PIP5K1B: variants seen among roughly 807,000 people sequenced by gnomAD.
PIP5K1B encodes phosphatidylinositol 4-phosphate 5-kinase type-1 beta.
In PIP5K1B, 42 loss-of-function variants were observed where a neutral mutation model predicts 67.0. The observed-to-expected ratio is 0.63, with a 90% CI of 0.49 to 0.81. The LOEUF (loss-of-function observed/expected upper bound fraction) is 0.81. Ranked by LOEUF, PIP5K1B falls within the 30% of genes least tolerant of loss-of-function variation. The probability of loss-of-function intolerance (pLI) is 0.00; values close to 1 mark genes in which losing one functional copy is unlikely to be tolerated. For missense variants in PIP5K1B, 459 were observed against 646.3 expected, an observed-to-expected ratio of 0.71 and a Z score of 3.14; for synonymous variants, 214 against 231.4, an observed-to-expected ratio of 0.92 and a Z score of 0.68.
chr9:68,988,830 C>T (rs575271160), intron 14 of PIP5K1B, among the ~76,000 whole-genome samples: 52 of 152,126 alleles, frequency 3.4e-4, no homozygotes, highest in African/African-American at 1.2e-3. Flanking sequence ...CGCATGGTGG[C>T]TCATGCCTGT....
At chr9:68,782,448 A>T (rs1342693736) in intron 2 of PIP5K1B, 1 of 166,994 alleles carries the variant, frequency 6.0e-6, no homozygotes, top group African/African-American at 2.4e-5. Context: ...TATACCTCAC[A>T]TATCTTCCTT....
chr9:68,823,071 T>C (rs966911416), intron 4 of PIP5K1B, among the ~76,000 whole-genome samples: 7 of 152,208 alleles, frequency 4.6e-5, no homozygotes, highest in African/African-American at 9.7e-5. Context: ...TGTATCACTC[T>C]GACACTTTAA....
At chr9:68,711,290 A>G (rs922904970) in intron 1 of PIP5K1B, among the ~76,000 whole-genome samples, 10 of 152,182 alleles carry the variant, frequency 6.6e-5, no homozygotes, top group Non-Finnish European at 1.5e-4. Context: ...AACCATGCCC[A>G]TCATTGTGCT....
chr9:68,959,011 ATAAG>A (rs1828560399), intron 14 of PIP5K1B, among the ~76,000 whole-genome samples: 1 of 152,332 alleles, frequency 6.6e-6, no homozygotes, highest in South Asian at 2.1e-4. Context: ...GAAAGAAAGA[ATAAG>A]AAAGAAAGAA....
chr9:68,786,501 TGAA>T (rs774637972), intron 2 of PIP5K1B, among the ~76,000 whole-genome samples: 4 of 146,874 alleles, frequency 2.7e-5, no homozygotes, highest in Non-Finnish European at 4.5e-5. Context: ...ATTATTAACT[TGAA>T]GACCATTTCC....
intron 4 of PIP5K1B, among the ~76,000 whole-genome samples, chr9:68,827,093 T>G (rs1349998039): frequency 6.6e-6 from 1 of 152,180 alleles, no homozygotes; most frequent in African/African-American, 2.4e-5. Flanking sequence ...CTGATTTACC[T>G]ACGTGTTTGT....
chr9:68,756,567 A>C (rs1212863957), intron 2 of PIP5K1B, among the ~76,000 whole-genome samples: 1 of 152,192 alleles, frequency 6.6e-6, no homozygotes, highest in Non-Finnish European at 1.5e-5. Flanking sequence ...GAATTAGAAA[A>C]GAATTTTCTT....
chr9:68,904,615 G>A (rs975286125), intron 8 of PIP5K1B, among the ~76,000 whole-genome samples: 5 of 152,164 alleles, frequency 3.3e-5, no homozygotes, highest in African/African-American at 7.2e-5. Flanking sequence ...GCAATGCAGC[G>A]GTTACAGGGG....
intron 8 of PIP5K1B, among the ~76,000 whole-genome samples, chr9:68,906,518 G>A (rs921104373): frequency 6.6e-6 from 1 of 152,130 alleles, no homozygotes; most frequent in Non-Finnish European, 1.5e-5. Context: ...ATACATCTGC[G>A]AACTTTCTAC....
intron 2 of PIP5K1B, among the ~76,000 whole-genome samples, chr9:68,804,136 G>A (rs17391582): frequency 0.095 from 14,495 of 152,150 alleles, 853 homozygotes; most frequent in Non-Finnish European, 0.14. Flanking sequence ...GGATGATGCC[G>A]CAGCCAGGAG....
chr9:68,971,445 C>T (rs1251883447), intron 14 of PIP5K1B, among the ~76,000 whole-genome samples: 1 of 152,190 alleles, frequency 6.6e-6, no homozygotes, highest in African/African-American at 2.4e-5. Context: ...AATAGTGCTG[C>T]AATAAACATA....
intron 4 of PIP5K1B, among the ~76,000 whole-genome samples, chr9:68,835,498 A>G (rs1480094345): frequency 6.6e-6 from 1 of 152,238 alleles, no homozygotes; most frequent in African/African-American, 2.4e-5. Flanking sequence ...TCAAATTGCT[A>G]CTATTGATGC....
intron 1 of PIP5K1B, among the ~76,000 whole-genome samples, chr9:68,711,660 TTATAG>T (rs1325538632): frequency 6.6e-6 from 1 of 152,236 alleles, no homozygotes; most frequent in Non-Finnish European, 1.5e-5. Flanking sequence ...TGTTGATAGT[TTATAG>T]TAGTCCTTTT....
intron 12 of PIP5K1B, among the ~76,000 whole-genome samples, chr9:68,933,210 G>A (rs148335985): frequency 5.3e-4 from 80 of 152,092 alleles, no homozygotes; most frequent in African/African-American, 1.8e-3. Context: ...GATAGGTGTA[G>A]CAAACCACCT....
chr9:68,997,686 A>G (rs1300046137), intron 15 of PIP5K1B, among the ~76,000 whole-genome samples: 2 of 152,190 alleles, frequency 1.3e-5, no homozygotes, highest in Non-Finnish European at 2.9e-5. Flanking sequence ...CATGTGGAAG[A>G]GCTGAGAAAA....
chr9:68,928,394 A>G (rs1826816331), intron 12 of PIP5K1B, among the ~76,000 whole-genome samples: 1 of 152,220 alleles, frequency 6.6e-6, no homozygotes, highest in African/African-American at 2.4e-5. Context: ...TTGCCATCTT[A>G]TATCTTACAT....
At chr9:68,948,150 C>T (rs1471858791) in intron 14 of PIP5K1B, among the ~76,000 whole-genome samples, 2 of 152,144 alleles carry the variant, frequency 1.3e-5, no homozygotes, top group African/African-American at 4.8e-5. Context: ...TCACCTTTTC[C>T]CAAGTGTCAA....
intron 6 of PIP5K1B, among the ~76,000 whole-genome samples, chr9:68,880,145 A>G (rs1824107939): frequency 6.6e-6 from 1 of 152,226 alleles, no homozygotes; most frequent in Non-Finnish European, 1.5e-5. Context: ...ATTGGCCATG[A>G]GTTGATCATT....
At chr9:68,706,747 T>C (rs1827143899) in intron 1 of PIP5K1B, among the ~76,000 whole-genome samples, 1 of 152,120 alleles carries the variant, frequency 6.6e-6, no homozygotes, top group Non-Finnish European at 1.5e-5. Flanking sequence ...CCTCAGAATG[T>C]GTTAATCTCG....
Sources: allele counts gnomAD v4.1 joint callset (sites outside exome capture counted in the v4.1 genomes callset), GRCh38; gene constraint gnomAD v4.1.1; transcripts MANE v1.5; gene names NCBI Gene and HGNC (gene_info 2026-07-23, HGNC 2026-07-21).